Variants in WNT9B observed in about 807,000 individuals in gnomAD.
WNT9B encodes protein Wnt-9b.
A neutral mutation model predicts 30.2 loss-of-function variants in WNT9B; 12 were observed. The observed-to-expected ratio is 0.40, with a 90% confidence interval of 0.26 to 0.64. WNT9B has a LOEUF of 0.64. Among genes scored for constraint, WNT9B ranks in the 30% least tolerant of loss-of-function variants. The pLI is 0.42. For synonymous variants in WNT9B, 218 were observed against 216.9 expected, an observed-to-expected ratio of 1.01 and a Z score of -0.05; for missense variants, 442 against 485.2, an observed-to-expected ratio of 0.91 and a Z score of 0.84.
chr17:46,833,973 A>C (rs1006469848), intron 1 of WNT9B, among the ~76,000 whole-genome samples: 15 of 152,098 alleles, frequency 9.9e-5, no homozygotes, highest in African/African-American at 3.6e-4. Context: ...AGGCAGGAGG[A>C]TCACTTGAGG....
chr17:46,876,797 G>A lies in WNT9B; in HGVS notation c.*79G>A. ...TCAAGCTGCCCAGCCGGCCCTCTGG[G>A]CAGACTGTCATCACATGCATGCATA... On this transcript the variant is annotated 3_prime_UTR_variant, in exon 4 of 4. Coordinates refer to ENST00000290015, the MANE Select transcript of WNT9B (RefSeq NM_003396.3). The A allele has an allele frequency of 1.4e-6, 2 of 1,459,470 alleles. No individual in the cohort carries two copies. The highest frequency in any genetic ancestry group is 2.5e-5 in the East Asian group (1 of 40,810). 90.4% of individuals were successfully genotyped at this position (1,459,470 alleles called of 1,614,324 possible).
intron 1 of WNT9B, among the ~76,000 whole-genome samples, chr17:46,860,919 C>T (rs1307263628): frequency 2.0e-5 from 3 of 152,124 alleles, no homozygotes; most frequent in Non-Finnish European, 2.9e-5. Context: ...AGTGCAATGG[C>T]TTGATCATAG....
intron 2 of WNT9B, among the ~76,000 whole-genome samples, chr17:46,873,399 G>A (rs192092267): frequency 7.8e-4 from 119 of 152,196 alleles, no homozygotes; most frequent in Middle Eastern, 6.8e-3. Context: ...GCTACCCTCG[G>A]GAAGCATGCA....
intron 2 of WNT9B, among the ~76,000 whole-genome samples, chr17:46,872,979 G>C (rs2085277415): frequency 6.6e-6 from 1 of 152,078 alleles, no homozygotes; most frequent in South Asian, 2.1e-4. Flanking sequence ...CCTCAGGTTT[G>C]GGGGAGCAGA....
At position 46,876,582 on chromosome 17, in the gene WNT9B, G is replaced by A; in HGVS notation, c.938G>A (p.Ser313Asn). The part of the protein sequence containing the change: ...RVCSREASCS[S>N]LCCGRGYDTQ... ...TGCTCCCGGGAGGCCAGCTGCAGCA[G>A]CCTGTGCTGCGGGCGGGGCTATGAC... Residue 313 changes from serine (S) to asparagine (N), a missense_variant, in exon 4 of 4, where the codon AGC (serine) becomes AAC (asparagine). Physicochemically the swap from Ser to Asn is conservative, Grantham distance 46. Transcript: ENST00000290015. The A allele has an allele frequency of 6.2e-7, 1 of 1,613,582 alleles. No homozygotes were observed. The highest frequency in any genetic ancestry group is 1.1e-5 in the South Asian group (1 of 91,084).
chr17:46,851,317 G>C (rs1417094388), upstream of WNT9B, among the ~76,000 whole-genome samples: 8 of 151,984 alleles, frequency 5.3e-5, no homozygotes, highest in East Asian at 1.6e-3. This position sits in a 1 kb window ranked among gnomAD's most constrained non-coding sequence, Gnocchi z 4.3. Flanking sequence ...CAGGCCCGGG[G>C]GGCTTCACGT....
downstream of WNT9B, among the ~76,000 whole-genome samples, chr17:46,881,069 G>A (rs567040732): frequency 3.9e-5 from 6 of 152,310 alleles, no homozygotes; most frequent in African/African-American, 1.2e-4. Context: ...AACATGCTTT[G>A]GGAGGCCTCG....
intron 1 of WNT9B, among the ~76,000 whole-genome samples, chr17:46,838,348 C>T (rs944802626): frequency 3.3e-5 from 5 of 151,432 alleles, no homozygotes; most frequent in Non-Finnish European, 5.9e-5. Flanking sequence ...AATCACAGGC[C>T]AGGTGTGGTG....
intron 1 of WNT9B, among the ~76,000 whole-genome samples, chr17:46,862,749 AT>A (rs1347308121): frequency 6.6e-6 from 1 of 151,980 alleles, no homozygotes; most frequent in African/African-American, 2.4e-5. Context: ...CACCTGGCTA[AT>A]TTTTTGTATC....
intron 3 of WNT9B, 114 bp from the exon 4 acceptor site, chr17:46,876,131 T>C: frequency 9.9e-7 from 1 of 1,009,122 alleles, no homozygotes; most frequent in Non-Finnish European, 1.4e-6. Flanking sequence ...GCTGAGACCC[T>C]GGGTCTCTTT....
At chr17:46,855,879 A>G (rs1474670729) in intron 1 of WNT9B, among the ~76,000 whole-genome samples, 1 of 152,032 alleles carries the variant, frequency 6.6e-6, no homozygotes, top group Non-Finnish European at 1.5e-5. Flanking sequence ...TTGTATTTTT[A>G]GTAGAGACCA....
chr17:46,859,100 C>T (rs2084990544), intron 1 of WNT9B, among the ~76,000 whole-genome samples: 1 of 151,924 alleles, frequency 6.6e-6, no homozygotes, highest in African/African-American at 2.4e-5. Context: ...ACTCAGCCTC[C>T]TGAGTAGCTG....
Position 46,877,879 on chromosome 17 carries a change from C to T in WNT9B, c.*1161C>T, listed in dbSNP as rs1198491539. ...CTAAGCCTGGCTCCTGGGTAGCCTC[C>T]TTCAGTTCCTAATGGCCTCTCACTT... On this transcript the variant is annotated 3_prime_UTR_variant, in exon 4 of 4. Coordinates refer to ENST00000290015, the MANE Select transcript of WNT9B (RefSeq NM_003396.3). Among the ~76,000 whole-genome samples the T allele has an allele frequency of 6.6e-6, 1 of 152,218 alleles. No individual in the cohort carries two copies. The highest frequency in any genetic ancestry group is 1.9e-4 in the East Asian group (1 of 5,204).
intron 1 of WNT9B, among the ~76,000 whole-genome samples, chr17:46,839,988 T>C (rs1249747867): frequency 7.3e-6 from 1 of 137,804 alleles, no homozygotes; most frequent in Non-Finnish European, 1.5e-5. Flanking sequence ...CTTCTTTCTT[T>C]CTTTTTTCTT....
upstream of WNT9B, among the ~76,000 whole-genome samples, chr17:46,847,169 GT>G (rs1292199273): frequency 1.3e-5 from 2 of 152,176 alleles, no homozygotes; most frequent in African/African-American, 4.8e-5. Context: ...ACATTTTGGT[GT>G]CCTTCTCTGC....
chr17:46,856,964 C>T (rs1308315629), intron 1 of WNT9B, among the ~76,000 whole-genome samples: 6 of 152,202 alleles, frequency 3.9e-5, no homozygotes, highest in Admixed American at 3.9e-4. Flanking sequence ...CGCTTTCAGT[C>T]ACTATGTGTT....
intron 1 of WNT9B, among the ~76,000 whole-genome samples, chr17:46,836,095 C>CGTACGTGT (rs1555692746): frequency 7.9e-6 from 1 of 126,434 alleles, no homozygotes; most frequent in African/African-American, 3.2e-5. Flanking sequence ...GAGACGCTGA[C>CGTACGTGT]GTGTGTGTGT....
At chr17:46,852,635 T>C (rs2084873109) in intron 1 of WNT9B, among the ~76,000 whole-genome samples, 3 of 152,010 alleles carry the variant, frequency 2.0e-5, no homozygotes, top group Admixed American at 6.6e-5. Context: ...GCGGGTATCA[T>C]GGGTAAGAAG....
At chr17:46,857,129 A>G (rs1303120105) in intron 1 of WNT9B, among the ~76,000 whole-genome samples, 1 of 152,082 alleles carries the variant, frequency 6.6e-6, no homozygotes, top group Admixed American at 6.6e-5. Flanking sequence ...ATTCCTTTGT[A>G]TGGCTATACC....
Sources: gnomAD v4.1 joint callset for allele counts (sites outside exome capture counted in the v4.1 genomes callset) on GRCh38, gnomAD v4.1.1 for gene constraint, Gnocchi (gnomAD v3.1) non-coding constraint, MANE v1.5 for transcripts, NCBI Gene and HGNC (gene_info 2026-07-23, HGNC 2026-07-21) for gene names.